POLN: variants seen among roughly 807,000 people sequenced by gnomAD.
POLN encodes DNA polymerase nu.
Under a neutral mutation model 113.5 loss-of-function variants are expected in POLN, and 108 were observed. The observed-to-expected ratio is 0.95, with a 90% confidence interval of 0.81 to 1.12. The LOEUF (loss-of-function observed/expected upper bound fraction) is 1.12. Among genes scored for constraint, POLN ranks in the 50% most tolerant of loss-of-function variants. POLN has a pLI of 0.00. For missense variants in POLN, 1,097 were observed against 1,077.1 expected (o/e 1.02, Z -0.26); for synonymous variants, 386 against 391.5 (o/e 0.99, Z 0.17).
At chr4:2,104,439 G>C (rs1730998416) in intron 19 of POLN, among the ~76,000 whole-genome samples, 1 of 152,208 alleles carries the variant, frequency 6.6e-6, no homozygotes, top group African/African-American at 2.4e-5. Flanking sequence ...TGGTAACTCT[G>C]TATTTAACTT....
At chr4:2,132,111 C>G (rs886115073) in intron 16 of POLN, among the ~76,000 whole-genome samples, 1 of 152,198 alleles carries the variant, frequency 6.6e-6, no homozygotes, top group Non-Finnish European at 1.5e-5. Context: ...TTGTCATCCT[C>G]ATTTTTTTAA....
chr4:2,111,466 G>T (rs547567077), intron 19 of POLN, among the ~76,000 whole-genome samples: 80 of 152,320 alleles, frequency 5.3e-4, no homozygotes, highest in African/African-American at 1.9e-3. Flanking sequence ...GTTTGCAGAT[G>T]ACATGATTGT....
intron 17 of POLN, among the ~76,000 whole-genome samples, chr4:2,129,661 A>G (rs1012785450): frequency 9.9e-5 from 15 of 152,232 alleles, no homozygotes; most frequent in Admixed American, 2.6e-4. Flanking sequence ...AAGTGCTAAG[A>G]TTACAGGTGT....
chr4:2,116,491 T>C (rs1731320572), intron 19 of POLN, among the ~76,000 whole-genome samples: 1 of 152,186 alleles, frequency 6.6e-6, no homozygotes, highest in Non-Finnish European at 1.5e-5. Context: ...TTACAACGAA[T>C]GTCTCATGGT....
intron 13 of POLN, among the ~76,000 whole-genome samples, chr4:2,169,821 A>G (rs1489883064): frequency 1.3e-5 from 2 of 152,160 alleles, no homozygotes; most frequent in Non-Finnish European, 2.9e-5. Flanking sequence ...TTGAAGAAGA[A>G]GAGGATTTGG....
chr4:2,240,499 G>A, intron 2 of POLN: 4 of 1,613,834 alleles, frequency 2.5e-6, no homozygotes, highest in Non-Finnish European at 3.4e-6. Context: ...CCTTGACTCT[G>A]CTTCAGCTTT....
intron 3 of POLN, 89 bp downstream of exon 3, chr4:2,229,010 C>A: frequency 7.5e-7 from 1 of 1,335,878 alleles, no homozygotes. Flanking sequence ...CTTCATCTGT[C>A]TACATGCATT....
At chr4:2,115,885 C>A (rs1470550286) in intron 19 of POLN, among the ~76,000 whole-genome samples, 1 of 152,146 alleles carries the variant, frequency 6.6e-6, no homozygotes, top group East Asian at 1.9e-4. Context: ...CTAAGAACTG[C>A]ACAATTTCAG....
intron 9 of POLN, among the ~76,000 whole-genome samples, chr4:2,175,474 T>TAG (rs1732972555): frequency 6.6e-6 from 1 of 152,244 alleles, no homozygotes; most frequent in Non-Finnish European, 1.5e-5. Context: ...AATTTACCAA[T>TAG]AATTCTCATT....
chr4:2,123,390 C>T (rs1040163097), intron 19 of POLN, among the ~76,000 whole-genome samples: 11 of 151,936 alleles, frequency 7.2e-5, no homozygotes, highest in Admixed American at 2.6e-4. Context: ...CTTTGGGAGG[C>T]CGAGGCAGGT....
In POLN at chr4:2,170,767, A is replaced by C; in HGVS notation, c.1466T>G (p.Phe489Cys). ...TSNNQLREILFGKLKLHLLSQ... is the reference protein window; with the variant it reads ...TSNNQLREILCGKLKLHLLSQ... ...CAGCAGGTGCAGCTTTAACTTGCCA[A>C]AGAGGATCTTCAACAAAACAAATTA... The change falls in exon 13 of 26, where the codon TTT becomes TGT. Residue 489 changes from phenylalanine to cysteine, a missense_variant. Phe to Cys is a radical substitution (Grantham distance 205). Transcript: ENST00000511885. The C allele has an allele frequency of 6.2e-7, 1 of 1,613,938 alleles. No individual in the cohort carries two copies. Among genetic ancestry groups the C allele is most frequent in the Non-Finnish European group, 8.5e-7 (1 of 1,179,804 alleles).
At chr4:2,176,734 A>G (rs1437890489) in intron 8 of POLN, among the ~76,000 whole-genome samples, 3 of 152,208 alleles carry the variant, frequency 2.0e-5, no homozygotes, top group African/African-American at 7.2e-5. Context: ...GCACCCACGC[A>G]CAGCTGCTGC....
intron 21 of POLN, among the ~76,000 whole-genome samples, chr4:2,083,945 T>C (rs1025986366): frequency 4.6e-5 from 7 of 152,214 alleles, no homozygotes; most frequent in African/African-American, 1.2e-4. Context: ...CCCAGGACCT[T>C]GGGACGGCCA....
Position 2,213,110 on chromosome 4 carries a change from G to A in POLN, c.150C>T (p.Asn50=), listed in dbSNP as rs1158430981. Reference sequence around the variant, plus strand: ...GTACTGAATACTTAACACTGGACTTGTTTATCACTTCCATAGCTTTTAAAA... The same window carrying A: ...GTACTGAATACTTAACACTGGACTTATTTATCACTTCCATAGCTTTTAAAA... The part of the protein sequence containing the change: ...GKSTETMEVI[N]KSSVKYSVQL... Residue 50 remains asparagine (N), a synonymous_variant, in exon 4 of 26, where the codon AAC becomes AAT. Coordinates refer to ENST00000511885, the MANE Select transcript of POLN (RefSeq NM_181808.4). The A allele has an allele frequency of 1.9e-6, 3 of 1,603,944 alleles. No individual in the cohort carries two copies. Among genetic ancestry groups the A allele is most frequent in the Non-Finnish European group, 2.6e-6 (3 of 1,176,018 alleles).
intron 20 of POLN, among the ~76,000 whole-genome samples, chr4:2,094,947 A>C (rs1730749581): frequency 6.6e-6 from 1 of 152,130 alleles, no homozygotes; most frequent in South Asian, 2.1e-4. Flanking sequence ...TCTTCTTTTC[A>C]GGGTCTTTGC....
chr4:2,081,453 C>T (rs944210353), intron 22 of POLN, 180 bp downstream of exon 22: 1 of 658,668 alleles, frequency 1.5e-6, no homozygotes, highest in Non-Finnish European at 2.7e-6. Context: ...ATGACCGTGT[C>T]CCCTCATGCC....
rs368983286 is a variant in POLN at position 2,208,460 on chromosome 4, A to C, written c.241T>G (p.Ser81Ala). The C allele has an allele frequency of 4.5e-6, 7 of 1,559,862 alleles. No individual in the cohort carries two copies. The African/African-American group carries it at 8.3e-5, about 18-fold the overall frequency. The change falls in exon 5 of 26, where the codon TCA becomes GCA. Residue 81 changes from serine (S) to alanine (A), a missense_variant. By Grantham distance (99) the Ser-to-Ala change is moderately conservative (BLOSUM62 1). Transcript: ENST00000511885. ...KDLKSLRSQT[S>A]RGSAKLSPQS... ...GGAGACAGCTTGGCAGAACCTCTTG[A>C]TGTCTGACTTCTTAAAGATTTAAGA...
At chr4:2,103,700 C>A (rs368236681) in intron 19 of POLN, among the ~76,000 whole-genome samples, 1 of 152,084 alleles carries the variant, frequency 6.6e-6, no homozygotes, top group Non-Finnish European at 1.5e-5. Context: ...TTCTAAAGTC[C>A]GCAAGAGAGA....
chr4:2,190,369 A>C (rs1271930143), intron 7 of POLN, among the ~76,000 whole-genome samples: 1 of 152,204 alleles, frequency 6.6e-6, no homozygotes, highest in Non-Finnish European at 1.5e-5. Context: ...CACCATATAC[A>C]AAAATCAAAT....
Sources: allele counts gnomAD v4.1 joint callset (sites outside exome capture counted in the v4.1 genomes callset), GRCh38; gene constraint gnomAD v4.1.1; transcripts MANE v1.5; gene names NCBI Gene and HGNC (gene_info 2026-07-23, HGNC 2026-07-21).